FTCDNL1: variants seen among roughly 807,000 people sequenced by gnomAD.
The protein encoded by FTCDNL1 is formiminotransferase cyclodeaminase N-terminal like.
Under a neutral mutation model 5.9 loss-of-function variants are expected in FTCDNL1, and 11 were observed. The observed-to-expected ratio is 1.87, with a 90% confidence interval of 1.18 to 3.10. The LOEUF is 3.10. Ranked by LOEUF, FTCDNL1 falls within the 30% of genes most tolerant of loss-of-function variation. The probability of loss-of-function intolerance (pLI) is 0.00; values close to 1 mark genes in which losing one functional copy is unlikely to be tolerated. For missense variants in FTCDNL1, 115 were observed against 65.5 expected (o/e 1.76, Z -2.61); for synonymous variants, 58 against 24.8 (o/e 2.34, Z -3.99).
chr2:199,664,127 C>T, the FTCDNL1 span, among the ~76,000 whole-genome samples: 527 of 150,904 alleles, frequency 3.5e-3, 3 homozygotes, highest in African/African-American at 0.012. Flanking sequence ...GAGTAACTAA[C>T]AAATTTAAAA....
chr2:199,828,303 A>C (rs931567699), intron 3 of FTCDNL1, among the ~76,000 whole-genome samples: 2 of 152,198 alleles, frequency 1.3e-5, no homozygotes, highest in African/African-American at 2.4e-5. Flanking sequence ...ATCCCCTGTA[A>C]CTTCAAATGT....
At chr2:199,672,443 G>A in the FTCDNL1 span, among the ~76,000 whole-genome samples, 2 of 152,176 alleles carry the variant, frequency 1.3e-5, no homozygotes, top group African/African-American at 2.4e-5. Flanking sequence ...TTTAGTGAGA[G>A]TGTATATCTA....
chr2:199,769,347 G>A (rs1698691933), intron 3 of FTCDNL1, among the ~76,000 whole-genome samples: 1 of 152,088 alleles, frequency 6.6e-6, no homozygotes, highest in South Asian at 2.1e-4. Flanking sequence ...CCCCCTTACT[G>A]TTCTACTAGT....
At chr2:199,803,926 A>G (rs1442885858) in intron 3 of FTCDNL1, among the ~76,000 whole-genome samples, 2 of 152,216 alleles carry the variant, frequency 1.3e-5, no homozygotes, top group African/African-American at 4.8e-5. Flanking sequence ...GTAATAACTA[A>G]TACTTAGTTG....
the FTCDNL1 span, among the ~76,000 whole-genome samples, chr2:199,711,182 G>A: frequency 6.6e-6 from 1 of 151,988 alleles, no homozygotes; most frequent in Non-Finnish European, 1.5e-5. Context: ...CGAGGTATGG[G>A]CACATTACTA....
the FTCDNL1 span, among the ~76,000 whole-genome samples, chr2:199,719,775 C>T: frequency 6.6e-6 from 1 of 152,090 alleles, no homozygotes; most frequent in African/African-American, 2.4e-5. Flanking sequence ...GCTGGGACTA[C>T]AGCTATGCAC....
intron 3 of FTCDNL1, among the ~76,000 whole-genome samples, chr2:199,828,390 C>T (rs1702162894): frequency 6.6e-6 from 1 of 152,108 alleles, no homozygotes; most frequent in Admixed American, 6.5e-5. Flanking sequence ...CTGTGGAAAA[C>T]TGTCTCATCA....
At chr2:199,807,184 C>A (rs925682345), downstream of FTCDNL1, among the ~76,000 whole-genome samples, 2 of 152,126 alleles carry the variant, frequency 1.3e-5, no homozygotes, top group African/African-American at 4.8e-5. Flanking sequence ...TATGCCAGTT[C>A]CTGCAGAGGA....
At chr2:199,723,688 G>T in the FTCDNL1 span, among the ~76,000 whole-genome samples, 1 of 151,990 alleles carries the variant, frequency 6.6e-6, no homozygotes, top group African/African-American at 2.4e-5. Context: ...AATTACATTT[G>T]TTAGTGTGTA....
the FTCDNL1 span, among the ~76,000 whole-genome samples, chr2:199,728,891 G>A: frequency 6.6e-6 from 1 of 152,210 alleles, no homozygotes; most frequent in Non-Finnish European, 1.5e-5. Flanking sequence ...TATTTCCCAG[G>A]TTTCCAACAG....
the FTCDNL1 span, among the ~76,000 whole-genome samples, chr2:199,691,811 G>C: frequency 2.6e-5 from 4 of 152,060 alleles, no homozygotes; most frequent in Non-Finnish European, 4.4e-5. Context: ...AACTTGATGA[G>C]ATTGATATTT....
intron 2 of FTCDNL1, among the ~76,000 whole-genome samples, chr2:199,848,110 G>T (rs1553556550): frequency 6.6e-6 from 1 of 152,216 alleles, no homozygotes; most frequent in Non-Finnish European, 1.5e-5. Flanking sequence ...CTATTTAAAT[G>T]ATTGTATACA....
At chr2:199,769,899 G>A (rs1211861156) in intron 3 of FTCDNL1, among the ~76,000 whole-genome samples, 1 of 151,906 alleles carries the variant, frequency 6.6e-6, no homozygotes, top group Non-Finnish European at 1.5e-5. Context: ...GAACCTGACT[G>A]ATTCAGCCTC....
At chr2:199,806,805 G>C (rs1700748421), downstream of FTCDNL1, among the ~76,000 whole-genome samples, 1 of 152,100 alleles carries the variant, frequency 6.6e-6, no homozygotes, top group African/African-American at 2.4e-5. Flanking sequence ...AGCCTAGCTT[G>C]TTGCTTTCCT....
chr2:199,684,729 C>T, the FTCDNL1 span, among the ~76,000 whole-genome samples: 31 of 152,228 alleles, frequency 2.0e-4, no homozygotes, highest in African/African-American at 6.5e-4. Context: ...GAGTGTGTTA[C>T]GGAAGGGCCG....
the FTCDNL1 span, among the ~76,000 whole-genome samples, chr2:199,719,111 G>T: frequency 6.6e-6 from 1 of 151,958 alleles, no homozygotes; most frequent in Non-Finnish European, 1.5e-5. Context: ...GTCATAAATT[G>T]TCTAGATCAG....
At chr2:199,707,218 T>C in the FTCDNL1 span, among the ~76,000 whole-genome samples, 24 of 152,224 alleles carry the variant, frequency 1.6e-4, no homozygotes, top group Admixed American at 1.6e-3. Flanking sequence ...TCCCCACTCC[T>C]CAATTTTCTG....
intron 3 of FTCDNL1, among the ~76,000 whole-genome samples, chr2:199,769,372 A>G (rs1278374619): frequency 2.0e-5 from 3 of 152,058 alleles, no homozygotes; most frequent in Non-Finnish European, 4.4e-5. Flanking sequence ...AAGTCTCATG[A>G]GCTCTGATAG....
At chr2:199,832,120 A>G in intron 3 of FTCDNL1, among the ~76,000 whole-genome samples, 1 of 152,356 alleles carries the variant, frequency 6.6e-6, no homozygotes, top group East Asian at 1.9e-4. Context: ...TGCATATAAC[A>G]TATAGTTTCA....
Sources: allele counts gnomAD v4.1 joint callset (sites outside exome capture counted in the v4.1 genomes callset), GRCh38; gene constraint gnomAD v4.1.1; transcripts MANE v1.5; gene names NCBI Gene and HGNC (gene_info 2026-07-23, HGNC 2026-07-21).